Variants in THSD7A observed in about 807,000 individuals in gnomAD.
The protein encoded by THSD7A is thrombospondin type-1 domain-containing protein 7A.
In THSD7A, 96 loss-of-function variants were observed where a neutral mutation model predicts 231.3. The ratio of observed to expected loss-of-function variants is 0.41; its 90% CI spans 0.35 to 0.49. The LOEUF (loss-of-function observed/expected upper bound fraction) is 0.49. THSD7A is among the 20% of genes least tolerant of loss of function. The probability of loss-of-function intolerance (pLI) is 0.05; values close to 1 mark genes in which losing one functional copy is unlikely to be tolerated. For missense variants in THSD7A, 2,290 were observed against 2,070.2 expected, an observed-to-expected ratio of 1.11 and a Z score of -2.06; for synonymous variants, 940 against 743.3, an observed-to-expected ratio of 1.26 and a Z score of -4.30.
intron 1 of THSD7A, among the ~76,000 whole-genome samples, chr7:11,809,850 C>T (rs1327244401): frequency 2.0e-5 from 3 of 152,062 alleles, no homozygotes; most frequent in Admixed American, 1.3e-4. Flanking sequence ...ATACGTGGCT[C>T]AAGATAAATA....
Position 11,571,401 on chromosome 7 carries a change from A to G in THSD7A, c.1453+19059T>C, listed in dbSNP as rs575873202. On this transcript the variant is annotated intron_variant, in intron 4 of 27. Coordinates refer to ENST00000423059, the MANE Select transcript of THSD7A (RefSeq NM_015204.3). ...TTGAGCTACTGCTGAATTTCATCTC[A>G]TACTTCTTGCTAAATCATTGGCCGT... Among the ~76,000 whole-genome samples the G allele has an allele frequency of 3.9e-5, 6 of 152,288 alleles. No individual in the cohort carries two copies. In the East Asian group the frequency reaches 9.6e-4, roughly 24 times the overall value.
chr7:11,519,258 C>G (rs1014798965), intron 6 of THSD7A, among the ~76,000 whole-genome samples: 23 of 152,120 alleles, frequency 1.5e-4, no homozygotes, highest in African/African-American at 5.6e-4. Flanking sequence ...CTGAACTGCC[C>G]CGCGCCATCA....
intron 2 of THSD7A, among the ~76,000 whole-genome samples, chr7:11,597,326 T>G (rs2128343068): frequency 6.6e-6 from 1 of 152,334 alleles, no homozygotes; most frequent in East Asian, 1.9e-4. Flanking sequence ...ATTTGGATTT[T>G]GGAGGGAACA....
chr7:11,696,914 A>G (rs1040310937), intron 1 of THSD7A, among the ~76,000 whole-genome samples: 8 of 151,390 alleles, frequency 5.3e-5, no homozygotes, highest in African/African-American at 1.9e-4. Context: ...GCCATGAGAG[A>G]ATATGGATCC....
At chr7:11,673,308 GA>G (rs1340348718) in intron 1 of THSD7A, among the ~76,000 whole-genome samples, 1 of 152,060 alleles carries the variant, frequency 6.6e-6, no homozygotes, top group Non-Finnish European at 1.5e-5. Flanking sequence ...GATTGGCAGG[GA>G]GAGACAACTG....
chr7:11,407,703 C>A (rs1783633808), intron 19 of THSD7A, among the ~76,000 whole-genome samples: 1 of 152,110 alleles, frequency 6.6e-6, no homozygotes. Context: ...TAGATTTAAC[C>A]TCCAAATTGG....
chr7:11,535,461 T>C (rs1420070290), intron 6 of THSD7A, among the ~76,000 whole-genome samples: 2 of 151,976 alleles, frequency 1.3e-5, no homozygotes, highest in Non-Finnish European at 2.9e-5. Flanking sequence ...AAGGTTATAA[T>C]GACTTTTATC....
At position 11,636,515 on chromosome 7, in the gene THSD7A, C is replaced by A. The variant is rs1260162246; in HGVS notation, c.637G>T (p.Gly213Trp). 6.2e-7 allele frequency: 1 copy of A among 1,613,766 alleles called. No individual in the cohort carries two copies. The highest frequency in any genetic ancestry group is 8.5e-7 in the Non-Finnish European group (1 of 1,179,884). Residue 213 changes from glycine to tryptophan, a missense_variant, in exon 2 of 28, where the codon GGG becomes TGG. Transcript: ENST00000423059. The surrounding 1 kb of genome is among the most constrained non-coding windows in gnomAD (Gnocchi z 10.0). ...ACATGACGCGTCCGGTGCTGGAGCC[C>A]GCTGCCGCAGGTCTTGGAGCATTCG... is the stretch of plus-strand genomic sequence containing the variant. ...WSECSKTCGS[G>W]LQHRTRHVVA...
intron 6 of THSD7A, among the ~76,000 whole-genome samples, chr7:11,510,038 T>C (rs1302673558): frequency 6.6e-6 from 1 of 152,098 alleles, no homozygotes; most frequent in African/African-American, 2.4e-5. Context: ...ACAATCCCAC[T>C]ACTGGGTATC....
chr7:11,511,255 T>A (rs1309348327), intron 6 of THSD7A, among the ~76,000 whole-genome samples: 1 of 152,140 alleles, frequency 6.6e-6, no homozygotes, highest in Non-Finnish European at 1.5e-5. Flanking sequence ...CAAGGAGAAC[T>A]ACAAACCACT....
chr7:11,547,750 C>G (rs908887933), intron 4 of THSD7A, among the ~76,000 whole-genome samples: 2 of 152,224 alleles, frequency 1.3e-5, no homozygotes, highest in African/African-American at 4.8e-5. Context: ...AAGCAACCTT[C>G]TTCTGAATGA....
intron 1 of THSD7A, among the ~76,000 whole-genome samples, chr7:11,678,744 T>C (rs747684067): frequency 3.3e-5 from 5 of 152,090 alleles, no homozygotes; most frequent in Admixed American, 1.3e-4. Flanking sequence ...ACAAGACAGA[T>C]TCACAGCCGA....
intron 2 of THSD7A, among the ~76,000 whole-genome samples, chr7:11,622,244 C>G (rs1781334636): frequency 1.3e-5 from 2 of 151,924 alleles, no homozygotes; most frequent in Admixed American, 1.3e-4. Context: ...CCTCATTATT[C>G]AATATAACCC....
chr7:11,376,179 C>T (rs934520053), intron 27 of THSD7A, among the ~76,000 whole-genome samples: 7 of 151,796 alleles, frequency 4.6e-5, no homozygotes, highest in Non-Finnish European at 2.9e-5. Context: ...TTTCATTTGG[C>T]CAGAAACCTT....
chr7:11,680,090 AG>A (rs1456743814), intron 1 of THSD7A, among the ~76,000 whole-genome samples: 6 of 151,932 alleles, frequency 3.9e-5, no homozygotes, highest in African/African-American at 1.5e-4. Flanking sequence ...AAAAAAAAAA[AG>A]TAATGGGGAA....
chr7:11,636,961 C>T lies in THSD7A; in HGVS notation c.191G>A (p.Gly64Asp). ...ATCTCCCATACATCGGCCCCATGGA[C>T]CTACAAAAATTATAACACAAAAATT... ...EAPTLYLWKT[G>D]PWGRCMGDEC... The change falls in exon 2 of 28, where the codon GGT becomes GAT. Residue 64 changes from glycine (G) to aspartate (D), a missense_variant and splice_region_variant. Gly to Asp is a moderately conservative substitution (Grantham distance 94). Coordinates refer to ENST00000423059, the MANE Select transcript of THSD7A (RefSeq NM_015204.3). This position sits in a 1 kb window ranked among gnomAD's most constrained non-coding sequence, Gnocchi z 10.0. The T allele has an allele frequency of 7.5e-6, 12 of 1,595,274 alleles. No individual in the cohort carries two copies. The highest frequency in any genetic ancestry group is 1.0e-5 in the Non-Finnish European group (12 of 1,172,478).
rs572812782 is a variant in THSD7A, at chr7:11,785,133, T to C, written c.190+46624A>G. Reference sequence around the variant, plus strand: ...TGCAAAAGTTCAAGACCCTGATTACTAAATTTCTAAACACACCCAGCCAGT... The same window carrying C: ...TGCAAAAGTTCAAGACCCTGATTACCAAATTTCTAAACACACCCAGCCAGT... On this transcript the variant is annotated intron_variant, in intron 1 of 27. Transcript: ENST00000423059. Among the ~76,000 whole-genome samples, 54 of 152,284 alleles carry C rather than the reference T, an allele frequency of 3.5e-4. No homozygotes were observed. In the South Asian group the frequency reaches 7.5e-3, roughly 21 times the overall value.
chr7:11,812,432 T>C (rs1562572378), intron 1 of THSD7A, among the ~76,000 whole-genome samples: 1 of 152,174 alleles, frequency 6.6e-6, no homozygotes, highest in Non-Finnish European at 1.5e-5. Flanking sequence ...AATATACTTA[T>C]ATTTAATTAT....
chr7:11,700,649 T>A (rs953731936), intron 1 of THSD7A, among the ~76,000 whole-genome samples: 1 of 151,190 alleles, frequency 6.6e-6, no homozygotes, highest in Admixed American at 6.6e-5. Context: ...GATGAAGAAC[T>A]AAATCATCTC....
Sources: gnomAD v4.1 joint callset for allele counts (sites outside exome capture counted in the v4.1 genomes callset) on GRCh38, gnomAD v4.1.1 for gene constraint, Gnocchi (gnomAD v3.1) non-coding constraint, MANE v1.5 for transcripts, NCBI Gene and HGNC (gene_info 2026-07-23, HGNC 2026-07-21) for gene names.